The following DLC1 variants were observed in gnomAD, a reference collection of about 807,000 sequenced individuals.
DLC1 encodes rho GTPase-activating protein 7.
A neutral mutation model predicts 140.3 loss-of-function variants in DLC1; 54 were observed. That is an observed-to-expected ratio of 0.38 (90% CI 0.31 to 0.48). The LOEUF (loss-of-function observed/expected upper bound fraction) is 0.48. Among genes scored for constraint, DLC1 ranks in the 20% least tolerant of loss-of-function variants. The probability of loss-of-function intolerance (pLI) is 0.96; values close to 1 mark genes in which losing one functional copy is unlikely to be tolerated. For missense variants in DLC1, 2,536 were observed against 1,907.0 expected (o/e 1.33, Z -6.14); for synonymous variants, 986 against 728.1 (o/e 1.35, Z -5.70).
At chr8:13,418,004 A>G (rs1448432749) in intron 2 of DLC1, among the ~76,000 whole-genome samples, 2 of 152,126 alleles carry the variant, frequency 1.3e-5, no homozygotes, top group East Asian at 3.9e-4. Flanking sequence ...TGGCTGCATA[A>G]ATGTCTTCTT....
chr8:13,384,378 G>A (rs547986701), intron 4 of DLC1, among the ~76,000 whole-genome samples: 8 of 123,232 alleles, frequency 6.5e-5, no homozygotes, highest in East Asian at 6.0e-4. Flanking sequence ...GTGAGCGTGC[G>A]CGTGTGTGTG....
At chr8:13,525,081 A>G (rs1585241814) in intron 1 of DLC1, among the ~76,000 whole-genome samples, 1 of 152,322 alleles carries the variant, frequency 6.6e-6, no homozygotes, top group East Asian at 1.9e-4. Flanking sequence ...AAGTTTATGT[A>G]TATGAAGTCA....
chr8:13,205,773 G>A (rs751758090), intron 5 of DLC1, among the ~76,000 whole-genome samples: 2 of 152,144 alleles, frequency 1.3e-5, no homozygotes, highest in Non-Finnish European at 2.9e-5. Context: ...AACATAAGTA[G>A]ACATAAGAGA....
chr8:13,317,440 G>C (rs1390673117), intron 4 of DLC1, among the ~76,000 whole-genome samples: 1 of 152,112 alleles, frequency 6.6e-6, no homozygotes, highest in Non-Finnish European at 1.5e-5. Context: ...AGATTGCTTT[G>C]CTAACTAAAC....
At chr8:13,320,474 C>CT (rs1015915557) in intron 4 of DLC1, among the ~76,000 whole-genome samples, 1 of 152,088 alleles carries the variant, frequency 6.6e-6, no homozygotes, top group East Asian at 1.9e-4. Context: ...AAAACAATGT[C>CT]TTTTTTTCTT....
chr8:13,167,084 A>T (rs912390974), intron 5 of DLC1, among the ~76,000 whole-genome samples: 2 of 152,206 alleles, frequency 1.3e-5, no homozygotes, highest in Non-Finnish European at 2.9e-5. Context: ...CCTAGTATAT[A>T]TTGAGCTGAA....
chr8:13,260,244 G>A (rs1830421356), intron 5 of DLC1, among the ~76,000 whole-genome samples: 1 of 152,218 alleles, frequency 6.6e-6, no homozygotes, highest in African/African-American at 2.4e-5. Context: ...GAGGGCAGTG[G>A]AATGAATGAT....
rs997623716 is a variant in DLC1, at chr8:13,405,632, T to C, written c.1024-4013A>G. Reference sequence around the variant, plus strand: ...TGTTGGTTTCCCTCCATGTTAAACATTTTAAATTTTATGCCCACTTGGGTA... The same window carrying C: ...TGTTGGTTTCCCTCCATGTTAAACACTTTAAATTTTATGCCCACTTGGGTA... On this transcript the variant is annotated intron_variant, in intron 2 of 17. Transcript: ENST00000276297. Among the ~76,000 whole-genome samples the C allele has an allele frequency of 4.6e-5, 7 of 152,170 alleles. 1 individual carries two copies. Among genetic ancestry groups the C allele is most frequent in the Admixed American group, 3.9e-4 (6 of 15,276 alleles).
intron 2 of DLC1, among the ~76,000 whole-genome samples, chr8:13,472,422 A>C (rs765131646): frequency 1.3e-5 from 2 of 152,236 alleles, no homozygotes; most frequent in Non-Finnish European, 2.9e-5. Flanking sequence ...AGTTTTCTAT[A>C]ACTTACTCCA....
chr8:13,579,987 C>T (rs888699328), intron 1 of DLC1, among the ~76,000 whole-genome samples: 1 of 152,102 alleles, frequency 6.6e-6, no homozygotes, highest in African/African-American at 2.4e-5. Flanking sequence ...ATGGACTATG[C>T]TGGGCTCCAG....
At chr8:13,368,121 A>G (rs919003261) in intron 4 of DLC1, among the ~76,000 whole-genome samples, 5 of 152,152 alleles carry the variant, frequency 3.3e-5, no homozygotes, top group Admixed American at 2.6e-4. Context: ...TAATATGTAA[A>G]GTGGAAAAGA....
intron 5 of DLC1, among the ~76,000 whole-genome samples, chr8:13,212,572 A>T (rs1827999611): frequency 6.6e-6 from 1 of 152,094 alleles, no homozygotes; most frequent in Admixed American, 6.6e-5. Flanking sequence ...CATAAAATTG[A>T]TTTTCAAAAT....
intron 5 of DLC1, among the ~76,000 whole-genome samples, chr8:13,143,745 G>C (rs897987813): frequency 6.6e-6 from 1 of 151,046 alleles, no homozygotes; most frequent in Non-Finnish European, 1.5e-5. Context: ...TCATTCTGGC[G>C]TCTTTGGCTA....
chr8:13,181,370 G>A (rs1394842607), intron 5 of DLC1, among the ~76,000 whole-genome samples: 1 of 147,968 alleles, frequency 6.8e-6, no homozygotes, highest in Non-Finnish European at 1.5e-5. Flanking sequence ...AAGTTCTAGG[G>A]TATATGTGCA....
intron 5 of DLC1, among the ~76,000 whole-genome samples, chr8:13,205,751 C>A (rs1053363224): frequency 6.6e-6 from 1 of 152,142 alleles, no homozygotes; most frequent in Non-Finnish European, 1.5e-5. Flanking sequence ...TGTTTCAAGT[C>A]ATTTATGGAT....
At chr8:13,600,413 G>A (rs906555655) in intron 1 of DLC1, among the ~76,000 whole-genome samples, 2 of 151,826 alleles carry the variant, frequency 1.3e-5, no homozygotes, top group Admixed American at 6.6e-5. Context: ...GAAATGTATG[G>A]TTATTCGTGT....
At chr8:13,169,206 T>C (rs1221554089) in intron 5 of DLC1, among the ~76,000 whole-genome samples, 2 of 152,238 alleles carry the variant, frequency 1.3e-5, no homozygotes, top group African/African-American at 4.8e-5. Context: ...GTTTGTTCCT[T>C]TCTTACAGAT....
chr8:13,571,242 T>C (rs537931529), intron 1 of DLC1, among the ~76,000 whole-genome samples: 3 of 152,292 alleles, frequency 2.0e-5, no homozygotes, highest in African/African-American at 7.2e-5. Flanking sequence ...AATTTGCCAC[T>C]TGAACTGTTA....
At chr8:13,394,972 C>G (rs1836954405) in intron 3 of DLC1, among the ~76,000 whole-genome samples, 1 of 145,462 alleles carries the variant, frequency 6.9e-6, no homozygotes, top group Admixed American at 6.9e-5. Context: ...TCTCTATTTT[C>G]CAATCCTCTT....
Sources: gnomAD v4.1 joint callset for allele counts (sites outside exome capture counted in the v4.1 genomes callset) on GRCh38, gnomAD v4.1.1 for gene constraint, MANE v1.5 for transcripts, NCBI Gene and HGNC (gene_info 2026-07-23, HGNC 2026-07-21) for gene names.